Variants in BEND3 observed in about 807,000 individuals in gnomAD.
The protein encoded by BEND3 is BEN domain containing 3, also known as BEN domain-containing protein 3.
In BEND3, 13 loss-of-function variants were observed where a neutral mutation model predicts 60.1. The ratio of observed to expected loss-of-function variants is 0.22; its 90% CI spans 0.14 to 0.34. The LOEUF is 0.34. Among genes scored for constraint, BEND3 ranks in the 10% least tolerant of loss-of-function variants. BEND3 has a pLI of 1.00. For synonymous variants in BEND3, 497 were observed against 491.5 expected, an observed-to-expected ratio of 1.01 and a Z score of -0.15; for missense variants, 896 against 1,138.1, an observed-to-expected ratio of 0.79 and a Z score of 3.06.
At chr6:107,089,599 G>C (rs141222131) in intron 3 of BEND3, among the ~76,000 whole-genome samples, 35 of 110,972 alleles carry the variant, frequency 3.2e-4, no homozygotes, top group East Asian at 2.3e-3. Flanking sequence ...AAAAAAAAAG[G>C]ATTTTTTTTT....
At chr6:107,073,616 A>G (rs1220451282) in intron 3 of BEND3, among the ~76,000 whole-genome samples, 2 of 152,110 alleles carry the variant, frequency 1.3e-5, no homozygotes, top group African/African-American at 4.8e-5. Context: ...AAGAAAAGTG[A>G]GGCCAGGTGC....
chr6:107,082,285 C>T (rs551659685), intron 3 of BEND3, among the ~76,000 whole-genome samples: 1 of 152,264 alleles, frequency 6.6e-6, no homozygotes, highest in South Asian at 2.1e-4. Context: ...TAAAGGGAAG[C>T]TCCAATCATC....
chr6:107,071,500 G>T (rs6918687), intron 3 of BEND3, among the ~76,000 whole-genome samples: 54,557 of 151,942 alleles, frequency 0.36, 11,646 homozygotes, highest in Non-Finnish European at 0.5. Context: ...GCATGGTCGG[G>T]GCACCTGAGA....
intron 3 of BEND3, among the ~76,000 whole-genome samples, chr6:107,074,660 T>C (rs1435508129): frequency 6.6e-6 from 1 of 152,132 alleles, no homozygotes; most frequent in African/African-American, 2.4e-5. Flanking sequence ...TTCTGTTCTG[T>C]TATCTGGCAT....
At position 107,070,569 on chromosome 6, in the gene BEND3, A is replaced by T; in HGVS notation, c.622T>A (p.Ser208Thr). ...KMFYMLNTLT[S>T]NMSQLHSKVD... ...TTGCTGTGCAGCTGGGACATGTTGG[A>T]CGTGAGGGTGTTCAGCATGTAGAAC... The change falls in exon 4 of 4, where the codon TCC becomes ACC. Residue 208 changes from serine (S) to threonine (T), a missense_variant. Physicochemically the swap from Ser to Thr is moderately conservative, Grantham distance 58. This residue lies in a region of BEND3 where 846 missense variants were observed against 1,036.7 expected (regional missense o/e 0.82). Coordinates refer to ENST00000369042, the MANE Select transcript of BEND3 (RefSeq NM_001367314.1). The surrounding 1 kb of genome is among the most constrained non-coding windows in gnomAD (Gnocchi z 6.9). 1 of 1,612,846 alleles carries T rather than the reference A, an allele frequency of 6.2e-7. No individual in the cohort carries two copies.
chr6:107,090,080 G>C (rs1453312786), intron 3 of BEND3, among the ~76,000 whole-genome samples: 8 of 152,078 alleles, frequency 5.3e-5, no homozygotes, highest in African/African-American at 1.7e-4. Flanking sequence ...CAGGTGCACT[G>C]GCTCATGTTT....
chr6:107,076,399 G>A (rs895729715), intron 3 of BEND3, among the ~76,000 whole-genome samples: 3 of 152,244 alleles, frequency 2.0e-5, no homozygotes, highest in Non-Finnish European at 2.9e-5. Flanking sequence ...TGATCAGGGC[G>A]TTTCATTCAG....
chr6:107,097,854 A>T (rs1216578707), intron 3 of BEND3, among the ~76,000 whole-genome samples: 1 of 151,342 alleles, frequency 6.6e-6, no homozygotes, highest in African/African-American at 2.4e-5. Context: ...ATGATGTGGA[A>T]TGTAGGTCCT....
intron 1 of BEND3, among the ~76,000 whole-genome samples, chr6:107,103,205 T>G (rs1775737133): frequency 6.6e-6 from 1 of 152,146 alleles, no homozygotes; most frequent in African/African-American, 2.4e-5. Context: ...CATCCCCAGC[T>G]GGCGCAGGGA....
chr6:107,070,485 T>C lies in BEND3; in HGVS notation c.706A>G (p.Met236Val). 1 of 1,614,054 alleles carries C rather than the reference T, an allele frequency of 6.2e-7. No homozygotes were observed. The highest frequency in any genetic ancestry group is 1.1e-5 in the South Asian group (1 of 91,062). ...GGGGGCGGCTGGAATTTGGCCACCA[T>C]CTCAGTGGGGCTCACCTGCTTCTTG... is the stretch of plus-strand genomic sequence containing the variant. ...RIKKQVSPTEMVAKFQPPPEY... is the reference protein window; with the variant it reads ...RIKKQVSPTEVVAKFQPPPEY... The change falls in exon 4 of 4, where the codon ATG (methionine) becomes GTG (valine). Residue 236 changes from methionine (M) to valine (V), a missense_variant. By Grantham distance (21) the Met-to-Val change is conservative. Transcript: ENST00000369042. The surrounding 1 kb of genome is among the most constrained non-coding windows in gnomAD (Gnocchi z 6.9).
At position 107,074,153 on chromosome 6, in the gene BEND3, T is replaced by C. The variant is rs368546834; in HGVS notation, c.241-3203A>G. ...ATTTATGGCCGGGTGCGGTGGCTCA[T>C]GCCTGTAATCCCAGCACTTTGGGAG... On this transcript the variant is annotated intron_variant, in intron 3 of 3. Transcript: ENST00000369042. Among the ~76,000 whole-genome samples, 12 of 152,288 alleles carry C rather than the reference T, an allele frequency of 7.9e-5. No homozygotes were observed. The East Asian group carries it at 2.1e-3, about 27-fold the overall frequency.
At position 107,104,208 on chromosome 6, in the gene BEND3, T is replaced by A. The variant is rs544111376; in HGVS notation, c.-11-4912A>T. On this transcript the variant is annotated intron_variant, in intron 1 of 3. Transcript: ENST00000369042. The stretch of plus-strand genomic sequence containing the variant: ...GGGAGGCTGAGGCAGGAGAATGGCA[T>A]GAACCCAGGAGGCAGAGCCTGCAGT... Among the ~76,000 whole-genome samples the A allele has an allele frequency of 8.2e-5, 12 of 146,206 alleles. 1 individual carries two copies. In the South Asian group the frequency reaches 2.5e-3, roughly 31 times the overall value.
At chr6:107,096,534 C>T (rs1002838057) in intron 3 of BEND3, among the ~76,000 whole-genome samples, 7 of 152,158 alleles carry the variant, frequency 4.6e-5, no homozygotes, top group Non-Finnish European at 1.0e-4. Flanking sequence ...ATCGCTTGAA[C>T]AAGGAGACAG....
intron 3 of BEND3, among the ~76,000 whole-genome samples, chr6:107,094,305 A>C (rs1554235648): frequency 6.6e-6 from 1 of 151,996 alleles, no homozygotes; most frequent in African/African-American, 2.4e-5. Flanking sequence ...TCTCCACATC[A>C]TATGTTGTCA....
chr6:107,100,088 G>T (rs1775674327), intron 1 of BEND3, among the ~76,000 whole-genome samples: 1 of 152,048 alleles, frequency 6.6e-6, no homozygotes, highest in Non-Finnish European at 1.5e-5. Flanking sequence ...TGACCAGGCT[G>T]CTCTTGAACT....
intron 3 of BEND3, among the ~76,000 whole-genome samples, chr6:107,093,642 AAC>A (rs1424156459): frequency 1.3e-5 from 2 of 152,228 alleles, no homozygotes; most frequent in Non-Finnish European, 2.9e-5. Context: ...AATACGATGG[AAC>A]ACAGTCTTTT....
In BEND3 at chr6:107,069,498, C is replaced by T. The variant is rs782442193; in HGVS notation, c.1693G>A (p.Glu565Lys). The stretch of plus-strand genomic sequence containing the variant: ...AAGTTGCCGATGGACAGGCTGCTCT[C>T]GTAGATGCTGCGTAGCTGCTCCTTG... The part of the protein sequence containing the change: ...LSKEQLRSIY[E>K]SSLSIGNFAS... Residue 565 changes from glutamate (E) to lysine (K), a missense_variant, in exon 4 of 4, where the codon GAG (glutamate) becomes AAG (lysine). Physicochemically the swap from Glu to Lys is moderately conservative, Grantham distance 56. Around this residue, in one of 4 missense-constraint regions of BEND3, gnomAD observed 846 missense variants for 1,036.7 expected, o/e 0.82. Coordinates refer to ENST00000369042, the MANE Select transcript of BEND3 (RefSeq NM_001367314.1). The T allele has an allele frequency of 5.0e-6, 8 of 1,613,012 alleles. No individual in the cohort carries two copies. Among genetic ancestry groups the T allele is most frequent in the East Asian group, 2.2e-5 (1 of 44,876 alleles).
intron 3 of BEND3, among the ~76,000 whole-genome samples, chr6:107,090,977 G>A (rs918856414): frequency 1.1e-4 from 17 of 151,900 alleles, no homozygotes; most frequent in Admixed American, 2.0e-4. Flanking sequence ...GAGCATGGTC[G>A]TGGGCACCTA....
rs782511309 is a variant in BEND3 at position 107,098,580 on chromosome 6, C to T, written c.211G>A (p.Gly71Ser). 4.7e-5 allele frequency: 76 copies of T among 1,613,288 alleles called. 1 individual carries two copies. Among genetic ancestry groups the T allele is most frequent in the Non-Finnish European group, 5.8e-5 (68 of 1,180,028 alleles). Reference sequence around the variant, plus strand: ...GGGATCAGCCGCCTCCTCTTCACGCCGGGGACAGAGTCTAGCAGGCCATCG... The same window carrying T: ...GGGATCAGCCGCCTCCTCTTCACGCTGGGGACAGAGTCTAGCAGGCCATCG... The part of the protein sequence containing the change: ...VSDGLLDSVP[G>S]VKRRRLIPEA... Residue 71 changes from glycine (G) to serine (S), a missense_variant, in exon 3 of 4, where the codon GGC (glycine) becomes AGC (serine). Physicochemically the swap from Gly to Ser is moderately conservative, Grantham distance 56. This residue lies in a region of BEND3 where 846 missense variants were observed against 1,036.7 expected (regional missense o/e 0.82). Transcript: ENST00000369042.
Sources: gnomAD v4.1 joint callset for allele counts (sites outside exome capture counted in the v4.1 genomes callset) on GRCh38, gnomAD v4.1.1 for gene constraint, gnomAD v4.1.1 regional missense constraint, Gnocchi (gnomAD v3.1) non-coding constraint, MANE v1.5 for transcripts, NCBI Gene and HGNC (gene_info 2026-07-23, HGNC 2026-07-21) for gene names.